Variants in TRHDE observed in about 807,000 individuals in gnomAD.
TRHDE encodes thyrotropin-releasing hormone-degrading ectoenzyme.
Under a neutral mutation model 125.7 loss-of-function variants are expected in TRHDE, and 72 were observed. That is an observed-to-expected ratio of 0.57 (90% CI 0.47 to 0.70). The LOEUF (loss-of-function observed/expected upper bound fraction) is 0.70. TRHDE is among the 30% of genes least tolerant of loss of function. The pLI is 0.00. For synonymous variants in TRHDE, 509 were observed against 509.1 expected (o/e 1.00, Z 0.00); for missense variants, 1,110 against 1,327.1 (o/e 0.84, Z 2.54).
chr12:72,487,039 G>T (rs1877445197), intron 5 of TRHDE, among the ~76,000 whole-genome samples: 2 of 152,052 alleles, frequency 1.3e-5, no homozygotes, highest in African/African-American at 4.8e-5. Context: ...AGCTTCAGCT[G>T]CAGACTAGAA....
chr12:72,609,668 C>T (rs2136067496), intron 12 of TRHDE, among the ~76,000 whole-genome samples: 1 of 152,234 alleles, frequency 6.6e-6, no homozygotes, highest in Middle Eastern at 3.4e-3. Context: ...AAAGGCAAAA[C>T]TTTTGACATA....
intron 1 of TRHDE, among the ~76,000 whole-genome samples, chr12:72,103,187 G>A (rs189767527): frequency 7.7e-4 from 117 of 152,284 alleles, no homozygotes; most frequent in African/African-American, 2.6e-3. Flanking sequence ...AAAATTTAGT[G>A]AGTTAGGATA....
At chr12:72,502,516 A>G (rs1878198265) in intron 6 of TRHDE, among the ~76,000 whole-genome samples, 1 of 152,148 alleles carries the variant, frequency 6.6e-6, no homozygotes, top group Admixed American at 6.6e-5. Flanking sequence ...GTCAGTGAAT[A>G]TACTCTGTAT....
intron 10 of TRHDE, among the ~76,000 whole-genome samples, chr12:72,574,923 C>T (rs763568256): frequency 1.4e-4 from 21 of 152,010 alleles, no homozygotes; most frequent in Non-Finnish European, 1.8e-4. Context: ...TATCCCCATA[C>T]GATCTAATTA....
At chr12:72,121,494 G>A (rs981244302) in intron 2 of TRHDE, among the ~76,000 whole-genome samples, 10 of 152,176 alleles carry the variant, frequency 6.6e-5, no homozygotes, top group African/African-American at 2.4e-4. Flanking sequence ...ATTGTTACAG[G>A]GCAGCACTGA....
intron 15 of TRHDE, among the ~76,000 whole-genome samples, chr12:72,640,866 C>T (rs1874028799): frequency 6.6e-6 from 1 of 152,182 alleles, no homozygotes; most frequent in Non-Finnish European, 1.5e-5. Context: ...AGGCCTCACT[C>T]TAAATCAATG....
intron 12 of TRHDE, among the ~76,000 whole-genome samples, chr12:72,605,924 C>CT (rs1288966341): frequency 6.6e-6 from 1 of 151,984 alleles, no homozygotes; most frequent in Non-Finnish European, 1.5e-5. Flanking sequence ...TGAAAAAAGC[C>CT]TTTTTTCCTT....
At chr12:72,354,398 C>T (rs1870720164) in intron 2 of TRHDE, among the ~76,000 whole-genome samples, 1 of 151,312 alleles carries the variant, frequency 6.6e-6, no homozygotes, top group African/African-American at 2.4e-5. Flanking sequence ...GAAGAGGAAA[C>T]TTTCACAGAC....
chr12:72,359,000 T>C (rs1352783348), intron 2 of TRHDE, among the ~76,000 whole-genome samples: 1 of 151,586 alleles, frequency 6.6e-6, no homozygotes, highest in Non-Finnish European at 1.5e-5. Flanking sequence ...CACAGTTTTA[T>C]AGGCATGTTT....
intron 6 of TRHDE, among the ~76,000 whole-genome samples, chr12:72,512,370 A>G (rs918695763): frequency 6.9e-6 from 1 of 145,062 alleles, no homozygotes; most frequent in African/African-American, 2.5e-5. Flanking sequence ...TTCAGTTAGT[A>G]TAAATGGAAT....
intron 1 of TRHDE, among the ~76,000 whole-genome samples, chr12:72,278,955 C>T (rs751174159): frequency 3.3e-5 from 5 of 151,960 alleles, no homozygotes; most frequent in Non-Finnish European, 7.4e-5. Context: ...TGATGCAATC[C>T]CGTTTGTCTA....
intron 3 of TRHDE, among the ~76,000 whole-genome samples, chr12:72,462,331 G>C (rs934072827): frequency 2.0e-5 from 3 of 152,166 alleles, no homozygotes; most frequent in Admixed American, 6.5e-5. Context: ...AATCGGAAGG[G>C]AATGCATCTG....
At chr12:72,388,830 A>T (rs1185381552) in intron 3 of TRHDE, among the ~76,000 whole-genome samples, 1 of 151,540 alleles carries the variant, frequency 6.6e-6, no homozygotes, top group Non-Finnish European at 1.5e-5. Context: ...CTATTAAAGA[A>T]GTTATGTTTT....
intron 3 of TRHDE, among the ~76,000 whole-genome samples, chr12:72,386,296 A>G (rs769021602): frequency 6.6e-6 from 1 of 152,198 alleles, no homozygotes; most frequent in African/African-American, 2.4e-5. Context: ...CAGCTTTGCA[A>G]TTAAGTTAGG....
chr12:72,413,970 TAGTA>T (rs1274812466), intron 3 of TRHDE, among the ~76,000 whole-genome samples: 4 of 152,114 alleles, frequency 2.6e-5, no homozygotes, highest in African/African-American at 4.8e-5. Context: ...TGCTAGCTCT[TAGTA>T]AGGTGACTTT....
chr12:72,166,625 C>T (rs564366406), intron 2 of TRHDE, among the ~76,000 whole-genome samples: 1 of 152,292 alleles, frequency 6.6e-6, no homozygotes, highest in African/African-American at 2.4e-5. Context: ...AAGGCTTGTG[C>T]AGGTTCCTCT....
At chr12:72,279,854 G>C (rs181204523) in intron 1 of TRHDE, among the ~76,000 whole-genome samples, 1 of 152,284 alleles carries the variant, frequency 6.6e-6, no homozygotes, top group East Asian at 1.9e-4. Flanking sequence ...ACACCTATGT[G>C]TGTGCTGCAG....
chr12:72,600,733 C>T (rs954475608), intron 12 of TRHDE, among the ~76,000 whole-genome samples: 1 of 151,980 alleles, frequency 6.6e-6, no homozygotes, highest in Non-Finnish European at 1.5e-5. Flanking sequence ...TTTTCCTGTG[C>T]TTTATATATG....
intron 3 of TRHDE, among the ~76,000 whole-genome samples, chr12:72,380,474 T>C (rs1323815619): frequency 6.6e-6 from 1 of 152,148 alleles, no homozygotes; most frequent in Non-Finnish European, 1.5e-5. Flanking sequence ...ATTAGGAAGA[T>C]GGCTTTTAAG....
Sources: gnomAD v4.1 joint callset for allele counts (sites outside exome capture counted in the v4.1 genomes callset) on GRCh38, gnomAD v4.1.1 for gene constraint, MANE v1.5 for transcripts, NCBI Gene and HGNC (gene_info 2026-07-23, HGNC 2026-07-21) for gene names.